Variants in CNTD1 observed in about 807,000 individuals in gnomAD.
CNTD1 encodes the protein cyclin N-terminal domain containing 1.
In CNTD1, 17 loss-of-function variants were observed where a neutral mutation model predicts 36.3. The ratio of observed to expected loss-of-function variants is 0.47; its 90% CI spans 0.32 to 0.70. The LOEUF is 0.70. Ranked by LOEUF, CNTD1 falls within the 30% of genes least tolerant of loss-of-function variation. The pLI, the probability that CNTD1 is intolerant of heterozygous loss-of-function variation, is 0.03. For synonymous variants in CNTD1, 128 were observed against 153.3 expected, an observed-to-expected ratio of 0.83 and a Z score of 1.22; for missense variants, 338 against 386.1, an observed-to-expected ratio of 0.88 and a Z score of 1.04.
rs2144121299 is a variant in CNTD1 at position 42,804,291 on chromosome 17, A to G, written c.312A>G (p.Arg104=). 6.2e-7 allele frequency: 1 copy of G among 1,614,110 alleles called. No individual in the cohort carries two copies. Among genetic ancestry groups the G allele is most frequent in the Middle Eastern group, 1.6e-4 (1 of 6,062 alleles). Residue 104 remains arginine (R), a synonymous_variant, in exon 3 of 7, where the codon AGA becomes AGG. Coordinates refer to ENST00000588408, the MANE Select transcript of CNTD1 (RefSeq NM_173478.3). ...CAATCCAGCCAAGAGATAATAAGAG[A>G]GAGTCTCAGAATTGGAGGGCTCTGA... ...QATIQPRDNK[R]ESQNWRALKQ...
In CNTD1 at chr17:42,803,617, C is replaced by T. The variant is rs1555546698; in HGVS notation, c.170-3C>T. ...ATTAGGCTCTTTTTTCCTGTTTTGG[C>T]AGAGTTTGTTTTTCTCCTGTCTGAA... On this transcript the variant is annotated splice_polypyrimidine_tract_variant and splice_region_variant and intron_variant, in intron 1 of 6. Transcript: ENST00000588408. 6.2e-7 allele frequency: 1 copy of T among 1,612,094 alleles called. No individual in the cohort carries two copies. Among genetic ancestry groups the T allele is most frequent in the Non-Finnish European group, 8.5e-7 (1 of 1,179,044 alleles).
intron 2 of CNTD1, 66 bp downstream of exon 2, chr17:42,803,761 A>G: frequency 2.4e-6 from 3 of 1,260,516 alleles, no homozygotes; most frequent in Admixed American, 3.9e-5. Flanking sequence ...CTACATCTTT[A>G]AGAAAGTATG....
At position 42,807,821 on chromosome 17, in the gene CNTD1, T is replaced by C. The variant is rs777830131; in HGVS notation, c.779T>C (p.Ile260Thr). ...TTCATGCTGTTGGCAGTAGGAATCA[T>C]TGCAGCAAGTGCTTTCATCCAAAAC... Reference protein sequence around the residue: ...EDFMLLAVGIIAASAFIQNHE... With the variant: ...EDFMLLAVGITAASAFIQNHE... The change falls in exon 6 of 7, where the codon ATT becomes ACT. Residue 260 changes from isoleucine to threonine, a missense_variant. Transcript: ENST00000588408. 4 of 1,614,080 alleles carry C rather than the reference T, an allele frequency of 2.5e-6. No homozygotes were observed. The African/African-American group carries it at 5.3e-5, about 22-fold the overall frequency.
intron 3 of CNTD1, 100 bp from the exon 4 acceptor site, chr17:42,805,622 G>T: frequency 9.6e-7 from 1 of 1,037,516 alleles, no homozygotes; most frequent in East Asian, 2.6e-5. Flanking sequence ...CAAGACTGAA[G>T]ATGAAGGAAT....
At chr17:42,801,513 ATATATATATATATATATATAT>A (rs2054789233) in intron 1 of CNTD1, among the ~76,000 whole-genome samples, 1 of 54,722 alleles carries the variant, frequency 1.8e-5, no homozygotes, top group Non-Finnish European at 3.4e-5. Context: ...AAAAAAAAAT[ATATATATATATATATATATAT>A]ATATATATAT....
chr17:42,807,771 A>G lies in CNTD1; in HGVS notation c.729A>G (p.Glu243=), dbSNP rs371747569. The G allele has an allele frequency of 2.5e-6, 4 of 1,611,848 alleles. No individual in the cohort carries two copies. Among genetic ancestry groups the G allele is most frequent in the Non-Finnish European group, 2.5e-6 (3 of 1,178,066 alleles). The change falls in exon 6 of 7, where the codon GAA becomes GAG. Residue 243 remains glutamate, a synonymous_variant. Transcript: ENST00000588408. ...ENSTPSQLQG[E]KFTSVKEDFM... Reference sequence around the variant, plus strand: ...TAATGTGGTTTTAATCACTCAGGGAAAAGTTTACTTCAGTGAAGGAAGACT... The same window carrying G: ...TAATGTGGTTTTAATCACTCAGGGAGAAGTTTACTTCAGTGAAGGAAGACT...
At chr17:42,801,547 A>ATAT (rs1397593024) in intron 1 of CNTD1, among the ~76,000 whole-genome samples, 1 of 55,918 alleles carries the variant, frequency 1.8e-5, no homozygotes, top group Non-Finnish European at 3.1e-5. Context: ...ATATATATAT[A>ATAT]ATATATGTGT....
At chr17:42,807,644 T>G in intron 5 of CNTD1, 124 bp from the exon 6 acceptor site, 1 of 703,678 alleles carries the variant, frequency 1.4e-6, no homozygotes, top group East Asian at 2.6e-5. Context: ...GACCATTTCC[T>G]TCCATGTCTA....
chr17:42,808,031 T>C, intron 6 of CNTD1, 167 bp downstream of exon 6: 2 of 533,236 alleles, frequency 3.8e-6, no homozygotes, highest in Non-Finnish European at 6.6e-6. Context: ...GGCTGAAATG[T>C]TTCCTTGTTT....
intron 1 of CNTD1, among the ~76,000 whole-genome samples, chr17:42,800,663 A>G (rs957980071): frequency 2.6e-5 from 4 of 152,174 alleles, no homozygotes; most frequent in African/African-American, 9.7e-5. Context: ...TAAAGGAGGT[A>G]AAGGATGGAT....
intron 3 of CNTD1, 71 bp from the exon 4 acceptor site, chr17:42,805,651 C>T: frequency 7.5e-7 from 1 of 1,341,840 alleles, no homozygotes; most frequent in Non-Finnish European, 1.0e-6. Flanking sequence ...TTATGAAGGG[C>T]TTTGTGCACT....
chr17:42,801,321 C>G (rs1243147447), intron 1 of CNTD1, among the ~76,000 whole-genome samples: 2 of 148,014 alleles, frequency 1.4e-5, no homozygotes, highest in Non-Finnish European at 3.0e-5. Flanking sequence ...CATGGTGAAA[C>G]CCCATCTCTA....
rs2054976765 is a variant in CNTD1, at chr17:42,810,643, C to T, written c.*1108C>T. The T allele has an allele frequency of 8.9e-7, 1 of 1,128,934 alleles. No individual in the cohort carries two copies. Among genetic ancestry groups the T allele is most frequent in the Non-Finnish European group, 1.2e-6 (1 of 830,942 alleles). 69.9% of individuals were successfully genotyped at this position (1,128,934 alleles called of 1,614,324 possible). Reference sequence around the variant, plus strand: ...ATAAAGTGGCTTTTGTGGATTTTTTCTTTTTTGGTATTGTAAACATGTACT... The same window carrying T: ...ATAAAGTGGCTTTTGTGGATTTTTTTTTTTTTGGTATTGTAAACATGTACT... On this transcript the variant is annotated 3_prime_UTR_variant, in exon 7 of 7. Coordinates refer to ENST00000588408, the MANE Select transcript of CNTD1 (RefSeq NM_173478.3).
intron 5 of CNTD1, 92 bp from the exon 6 acceptor site, chr17:42,807,676 C>A: frequency 1.1e-6 from 1 of 928,604 alleles, no homozygotes; most frequent in Non-Finnish European, 1.7e-6. Context: ...ATGATCGACA[C>A]AAATAATTCA....
chr17:42,804,393 C>T lies in CNTD1; in HGVS notation c.414C>T (p.Asn138=), dbSNP rs763465159. 6.2e-7 allele frequency: 1 copy of T among 1,613,134 alleles called. No homozygotes were observed. The highest frequency in any genetic ancestry group is 1.3e-5 in the African/African-American group (1 of 74,864). The change falls in exon 3 of 7, where the codon AAC becomes AAT. Residue 138 remains asparagine (N), a synonymous_variant. Coordinates refer to ENST00000588408, the MANE Select transcript of CNTD1 (RefSeq NM_173478.3). The part of the protein sequence containing the change: ...VQLASKLSFR[N]KIISNITVLN... ...TGGCCAGCAAACTTTCCTTCCGAAA[C>T]AAAGTAAGGAGCTGGGGTTGCTCAT... is the stretch of plus-strand genomic sequence containing the variant.
Position 42,804,343 on chromosome 17 carries a change from C to T in CNTD1, c.364C>T (p.Leu122Phe), listed in dbSNP as rs2054841936. 4 of 1,614,112 alleles carry T rather than the reference C, an allele frequency of 2.5e-6. No homozygotes were observed. The highest frequency in any genetic ancestry group is 3.4e-6 in the Non-Finnish European group (4 of 1,180,016). Reference sequence around the variant, plus strand: ...ACAGCAGCTTGTCAACAAGTTTACTCTCCGTCTTGTGTCATGTGTTCAGCT... The same window carrying T: ...ACAGCAGCTTGTCAACAAGTTTACTTTCCGTCTTGTGTCATGTGTTCAGCT... ...LKQQLVNKFT[L>F]RLVSCVQLAS... The change falls in exon 3 of 7, where the codon CTC becomes TTC. Residue 122 changes from leucine to phenylalanine, a missense_variant. Leu to Phe is a conservative substitution (Grantham distance 22). Transcript: ENST00000588408.
At chr17:42,804,792 A>G (rs533538126) in intron 3 of CNTD1, among the ~76,000 whole-genome samples, 3 of 152,236 alleles carry the variant, frequency 2.0e-5, no homozygotes, top group Admixed American at 1.3e-4. Context: ...TGGGCGACAG[A>G]GCGACTCTGT....
intron 1 of CNTD1, among the ~76,000 whole-genome samples, chr17:42,801,578 GTGTGTA>G (rs1269235834): frequency 7.1e-6 from 1 of 141,468 alleles, no homozygotes; most frequent in Non-Finnish European, 1.5e-5. Context: ...GTGTGTGTGT[GTGTGTA>G]TAATAGCTTT....
chr17:42,798,981 G>T lies in CNTD1; in HGVS notation c.-87G>T. On this transcript the variant is annotated 5_prime_UTR_variant, in exon 1 of 7. The change creates a new upstream start codon in the 5' untranslated region. Coordinates refer to ENST00000588408, the MANE Select transcript of CNTD1 (RefSeq NM_173478.3). Reference sequence around the variant, plus strand: ...TCATTGGAAGGGGACGAGGAATCCAGGGTGTGGCAGAAGACTGGAGAGGAG... The same window carrying T: ...TCATTGGAAGGGGACGAGGAATCCATGGTGTGGCAGAAGACTGGAGAGGAG... The T allele has an allele frequency of 6.5e-7, 1 of 1,529,862 alleles. No homozygotes were observed. The highest frequency in any genetic ancestry group is 8.8e-7 in the Non-Finnish European group (1 of 1,140,352). The allele number at this position is 1,529,862 out of a possible 1,614,324, so 94.8% of individuals were successfully genotyped here. A position where few individuals can be genotyped will look rare whatever the true frequency, so the allele number is the denominator to read the frequency against.
Sources: allele counts gnomAD v4.1 joint callset (sites outside exome capture counted in the v4.1 genomes callset), GRCh38; gene constraint gnomAD v4.1.1; transcripts MANE v1.5; gene names NCBI Gene and HGNC (gene_info 2026-07-23, HGNC 2026-07-21).